Variants in MMP28 observed in about 807,000 individuals in gnomAD.
MMP28 encodes matrix metalloproteinase-28.
Under a neutral mutation model 60.5 loss-of-function variants are expected in MMP28, and 55 were observed. That is an observed-to-expected ratio of 0.91 (90% CI 0.73 to 1.14). The LOEUF is 1.14. Ranked by LOEUF, MMP28 falls within the 50% of genes most tolerant of loss-of-function variation. The probability of loss-of-function intolerance (pLI) is 0.00; values close to 1 mark genes in which losing one functional copy is unlikely to be tolerated. For missense variants in MMP28, 686 were observed against 738.3 expected, an observed-to-expected ratio of 0.93 and a Z score of 0.82; for synonymous variants, 318 against 312.5, an observed-to-expected ratio of 1.02 and a Z score of -0.18.
Position 35,766,716 on chromosome 17 carries a change from C to A in MMP28, c.1347G>T (p.Glu449Asp), listed in dbSNP as rs778115477. ...CCTGCAGACTTCGGGGGTAGTAGGG[C>A]TCCACTTGCAGTCCCCCTCGGGCCA... The part of the protein sequence containing the change: ...YVLARGGLQV[E>D]PYYPRSLQDW... The change falls in exon 8 of 8, where the codon GAG (glutamate) becomes GAT (aspartate). Residue 449 changes from glutamate (E) to aspartate (D), a missense_variant. By Grantham distance (45) the Glu-to-Asp change is conservative (BLOSUM62 2). Coordinates refer to ENST00000605424, the MANE Select transcript of MMP28 (RefSeq NM_024302.5). The surrounding 1 kb of genome is among the most constrained non-coding windows in gnomAD (Gnocchi z 4.3). 14 of 1,601,974 alleles carry A rather than the reference C, an allele frequency of 8.7e-6. No individual in the cohort carries two copies. The highest frequency in any genetic ancestry group is 1.7e-5 in the Admixed American group (1 of 58,410).
downstream of MMP28, chr17:35,764,711 C>A: frequency 2.2e-6 from 3 of 1,367,054 alleles, no homozygotes; most frequent in Non-Finnish European, 1.9e-6. Flanking sequence ...CCCTCTTCGA[C>A]GCATTCCGCA....
chr17:35,760,758 T>G, intron 2 of MMP28: 1 of 678,532 alleles, frequency 1.5e-6, no homozygotes, highest in East Asian at 2.8e-5. Context: ...GAGTTGTTAG[T>G]GCTTTGGGAG....
At chr17:35,795,239 C>T (rs1376416737) in intron 1 of MMP28, 28 bp downstream of exon 1, 3 of 1,360,820 alleles carry the variant, frequency 2.2e-6, no homozygotes, top group Admixed American at 3.4e-5. Flanking sequence ...GCACACGCAC[C>T]GCTCTCCGCC....
chr17:35,770,460 G>A (rs1344686950), intron 4 of MMP28, 148 bp from the exon 5 acceptor site: 2 of 1,064,112 alleles, frequency 1.9e-6, no homozygotes, highest in East Asian at 5.5e-5. Context: ...GAAGTGTGCA[G>A]AGGTGAACAG....
chr17:35,764,002 C>G, downstream of MMP28: 1 of 1,533,570 alleles, frequency 6.5e-7, no homozygotes, highest in Non-Finnish European at 8.8e-7. Context: ...CCTCCCGGCC[C>G]GCAGGTGTGA....
intron 1 of MMP28, among the ~76,000 whole-genome samples, chr17:35,792,464 A>G (rs557708538): frequency 2.5e-3 from 381 of 152,284 alleles, no homozygotes; most frequent in African/African-American, 8.6e-3. Flanking sequence ...CACACTTCAG[A>G]TGATGCCAGC....
chr17:35,793,895 C>G (rs567683446), intron 1 of MMP28, among the ~76,000 whole-genome samples: 1 of 152,192 alleles, frequency 6.6e-6, no homozygotes, highest in Non-Finnish European at 1.5e-5. Context: ...GTCAGGAGTT[C>G]GAGGCCAGCC....
At position 35,766,970 on chromosome 17, in the gene MMP28, T is replaced by C; in HGVS notation, c.1169-76A>G. 2 of 1,343,484 alleles carry C rather than the reference T, an allele frequency of 1.5e-6. No homozygotes were observed. Among genetic ancestry groups the C allele is most frequent in the South Asian group, 1.2e-5 (1 of 80,120 alleles). The allele number at this position is 1,343,484 out of a possible 1,614,324, so 83.2% of individuals were successfully genotyped here. A position where few individuals can be genotyped will look rare whatever the true frequency, so the allele number is the denominator to read the frequency against. ...CCCTCTACCCCACTTCTGTCCCCCA[T>C]ACCTCTGCTCTCCTTTAAGCTGGAG... On this transcript the variant is annotated intron_variant, in intron 7 of 7. Coordinates refer to ENST00000605424, the MANE Select transcript of MMP28 (RefSeq NM_024302.5). The surrounding 1 kb of genome is among the most constrained non-coding windows in gnomAD (Gnocchi z 4.3).
At position 35,795,287 on chromosome 17, in the gene MMP28, C is replaced by G; in HGVS notation, c.91G>C (p.Glu31Gln). 1 of 1,462,224 alleles carries G rather than the reference C, an allele frequency of 6.8e-7. No individual in the cohort carries two copies. Among genetic ancestry groups the G allele is most frequent in the South Asian group, 1.4e-5 (1 of 73,614 alleles). The allele number at this position is 1,462,224 out of a possible 1,614,324, so 90.6% of individuals were successfully genotyped here. ...CGTACCTCCGCCTCCTTGCGCAGCT[C>G]CTGGCCTCCGCGCTCCGCGGGCTGG... The part of the protein sequence containing the change: ...DAQPAERGGQ[E>Q]LRKEAEAFLE... The change falls in exon 1 of 8, where the codon GAG becomes CAG. Residue 31 changes from glutamate (E) to glutamine (Q), a missense_variant. Physicochemically the swap from Glu to Gln is conservative, Grantham distance 29. Transcript: ENST00000605424.
chr17:35,794,245 CT>C (rs749895795), intron 1 of MMP28, among the ~76,000 whole-genome samples: 10,594 of 133,512 alleles, frequency 0.079, 734 homozygotes, highest in African/African-American at 0.22. Context: ...ATTACAACCA[CT>C]TTTTTTTTTT....
In MMP28 at chr17:35,779,236, C is replaced by G. The variant is rs189920506; in HGVS notation, c.191+8G>C. On this transcript the variant is annotated splice_region_variant and intron_variant, in intron 2 of 7. Transcript: ENST00000605424. ...CTACCCCAAGTCCTCCACATCCCTC[C>G]ACCCTACCTGATGGCATCGCTGAAT... The G allele has an allele frequency of 1.2e-6, 2 of 1,608,966 alleles. No individual in the cohort carries two copies. Among genetic ancestry groups the G allele is most frequent in the East Asian group, 4.5e-5 (2 of 44,762 alleles).
At chr17:35,765,752 A>G, downstream of MMP28, 1 of 729,174 alleles carries the variant, frequency 1.4e-6, no homozygotes, top group Non-Finnish European at 1.7e-6. Flanking sequence ...GCACACACAC[A>G]CACAGCTGCC....
intron 1 of MMP28, among the ~76,000 whole-genome samples, chr17:35,782,712 G>A (rs2086540859): frequency 6.6e-6 from 1 of 152,192 alleles, no homozygotes; most frequent in Non-Finnish European, 1.5e-5. Flanking sequence ...CTTAATTTGG[G>A]AAGCTATTTC....
chr17:35,780,030 C>T (rs191803479), intron 1 of MMP28, among the ~76,000 whole-genome samples: 1 of 152,198 alleles, frequency 6.6e-6, no homozygotes, highest in Admixed American at 6.5e-5. Flanking sequence ...AAACAGTTAT[C>T]TTCCCCACCG....
At chr17:35,791,050 A>G (rs2086801581) in intron 1 of MMP28, among the ~76,000 whole-genome samples, 1 of 151,804 alleles carries the variant, frequency 6.6e-6, no homozygotes, top group Admixed American at 6.6e-5. Flanking sequence ...TAATCTTACA[A>G]TAGTAGAATT....
At chr17:35,765,816 C>T, downstream of MMP28, 2 of 982,688 alleles carry the variant, frequency 2.0e-6, no homozygotes. Context: ...CACCCATGCC[C>T]ACCTGCTCTC....
chr17:35,791,432 G>A (rs1340813001), intron 1 of MMP28, among the ~76,000 whole-genome samples: 2 of 152,074 alleles, frequency 1.3e-5, no homozygotes, highest in South Asian at 2.1e-4. Context: ...CAGGTACTCA[G>A]GAGGCTGAAG....
chr17:35,788,816 G>T (rs914937604), intron 1 of MMP28, among the ~76,000 whole-genome samples: 1 of 152,120 alleles, frequency 6.6e-6, no homozygotes, highest in Admixed American at 6.5e-5. Context: ...GAAGGTCCAA[G>T]CAAAGCAAAT....
chr17:35,775,384 G>A (rs1555607352), intron 3 of MMP28, among the ~76,000 whole-genome samples: 1 of 152,134 alleles, frequency 6.6e-6, no homozygotes, highest in African/African-American at 2.4e-5. Context: ...TGGTTTTTGT[G>A]GTGACCCCCA....
Sources: allele counts gnomAD v4.1 joint callset (sites outside exome capture counted in the v4.1 genomes callset), GRCh38; gene constraint gnomAD v4.1.1; non-coding constraint Gnocchi (gnomAD v3.1); transcripts MANE v1.5; gene names NCBI Gene and HGNC (gene_info 2026-07-23, HGNC 2026-07-21).